The following HMCN1 variants were observed in gnomAD, a reference collection of about 807,000 sequenced individuals.
HMCN1 encodes hemicentin 1, also known as hemicentin-1.
Under a neutral mutation model 625.9 loss-of-function variants are expected in HMCN1, and 321 were observed. The observed-to-expected ratio is 0.51, with a 90% CI of 0.47 to 0.56. HMCN1 has a LOEUF of 0.56. HMCN1 is among the 20% of genes least tolerant of loss of function. The pLI, the probability that HMCN1 is intolerant of heterozygous loss-of-function variation, is 0.00. For synonymous variants in HMCN1, 2,425 were observed against 2,417.6 expected, an observed-to-expected ratio of 1.00 and a Z score of -0.09; for missense variants, 6,588 against 6,887.3, an observed-to-expected ratio of 0.96 and a Z score of 1.54.
intron 4 of HMCN1, among the ~76,000 whole-genome samples, chr1:185,884,231 C>A (rs999974685): frequency 3.3e-5 from 5 of 151,698 alleles, no homozygotes; most frequent in African/African-American, 1.2e-4. Flanking sequence ...CCTGTGTGAA[C>A]TCTAGGAATT....
intron 49 of HMCN1, among the ~76,000 whole-genome samples, chr1:186,067,041 G>A (rs372581055): frequency 6.6e-6 from 1 of 152,218 alleles, no homozygotes; most frequent in African/African-American, 2.4e-5. Flanking sequence ...TATTCAGAAT[G>A]GAACAAACTA....
chr1:186,122,046 TGAG>T (rs1661424494), intron 80 of HMCN1, among the ~76,000 whole-genome samples: 1 of 152,272 alleles, frequency 6.6e-6, no homozygotes, highest in African/African-American at 2.4e-5. Flanking sequence ...TTTTTAGATT[TGAG>T]GAGTTGTTTC....
At chr1:186,001,983 A>G (rs1247826613) in intron 28 of HMCN1, among the ~76,000 whole-genome samples, 1 of 152,114 alleles carries the variant, frequency 6.6e-6, no homozygotes, top group Non-Finnish European at 1.5e-5. Context: ...TCAAATACTC[A>G]AAAGTGGTAC....
At chr1:186,126,681 G>A (rs1211097877) in intron 82 of HMCN1, among the ~76,000 whole-genome samples, 2 of 152,132 alleles carry the variant, frequency 1.3e-5, no homozygotes, top group African/African-American at 4.8e-5. Context: ...CATGTCCAGT[G>A]TATTTGAAAA....
chr1:185,738,863 C>CT (rs370506671), intron 1 of HMCN1, among the ~76,000 whole-genome samples: 2 of 152,254 alleles, frequency 1.3e-5, no homozygotes, highest in African/African-American at 4.8e-5. Flanking sequence ...CATACAACTT[C>CT]TTTTTTTCCT....
At chr1:185,950,310 G>A (rs960540659) in intron 11 of HMCN1, among the ~76,000 whole-genome samples, 8 of 151,862 alleles carry the variant, frequency 5.3e-5, no homozygotes, top group Non-Finnish European at 1.2e-4. Flanking sequence ...TATGAGAACT[G>A]TAGAGAGTGA....
chr1:185,836,380 A>G (rs1042629242), intron 1 of HMCN1, among the ~76,000 whole-genome samples: 5 of 152,314 alleles, frequency 3.3e-5, no homozygotes, highest in South Asian at 2.1e-4. Flanking sequence ...GTCCTTATGC[A>G]CATGTGTCTT....
intron 93 of HMCN1, among the ~76,000 whole-genome samples, chr1:186,148,633 A>G (rs891250405): frequency 6.6e-6 from 1 of 152,010 alleles, no homozygotes; most frequent in Non-Finnish European, 1.5e-5. Context: ...CTCAGCCTCC[A>G]AGTGATTACA....
intron 1 of HMCN1, among the ~76,000 whole-genome samples, chr1:185,739,522 G>A (rs148826512): frequency 2.6e-5 from 4 of 152,262 alleles, no homozygotes; most frequent in Non-Finnish European, 5.9e-5. Context: ...GAGCAGGACA[G>A]TGTGTTTTAA....
chr1:185,806,546 CA>C (rs34411405), intron 1 of HMCN1, among the ~76,000 whole-genome samples: 77,512 of 103,292 alleles, frequency 0.75, 30,131 homozygotes, highest in East Asian at 0.94. Flanking sequence ...GACCCTGTCT[CA>C]AAAAAAAAAA....
intron 1 of HMCN1, 64 bp downstream of exon 1, chr1:185,735,111 G>A (rs1323507403): frequency 1.8e-5 from 27 of 1,520,046 alleles, no homozygotes; most frequent in Non-Finnish European, 2.5e-5. Context: ...CTCATGCTGT[G>A]AATGAAATTG....
chr1:185,825,664 G>T (rs1208455), intron 1 of HMCN1, among the ~76,000 whole-genome samples: 152,206 of 152,312 alleles, frequency 1, 76,050 homozygotes, highest in Middle Eastern at 1. Flanking sequence ...GTAGGGGGTA[G>T]ATCAACATTC....
rs777664586 is a variant in HMCN1 at position 186,041,123 on chromosome 1, C to T, written c.6291C>T (p.Asp2097=). 1.2e-6 allele frequency: 2 copies of T among 1,612,586 alleles called. No individual in the cohort carries two copies. Among genetic ancestry groups the T allele is most frequent in the East Asian group, 4.5e-5 (2 of 44,770 alleles). ...NAAGEKQRDI[D]LRVYVPPNIM... Reference sequence around the variant, plus strand: ...CTGGAGAAAAGCAAAGGGACATTGACCTCCGAGTATATGGTGAGACATTTT... The same window carrying T: ...CTGGAGAAAAGCAAAGGGACATTGATCTCCGAGTATATGGTGAGACATTTT... Residue 2097 remains aspartate, a synonymous_variant, in exon 40 of 107, where the codon GAC becomes GAT. Coordinates refer to ENST00000271588, the MANE Select transcript of HMCN1 (RefSeq NM_031935.3).
chr1:185,982,915 A>G (rs2102005402), intron 18 of HMCN1, among the ~76,000 whole-genome samples: 1 of 152,102 alleles, frequency 6.6e-6, no homozygotes, highest in East Asian at 1.9e-4. Context: ...TAGTGTTGTA[A>G]TTTTCATAAT....
At chr1:186,156,462 A>C (rs1418614189) in intron 97 of HMCN1, among the ~76,000 whole-genome samples, 1 of 152,200 alleles carries the variant, frequency 6.6e-6, no homozygotes, top group African/African-American at 2.4e-5. Flanking sequence ...GGAAATGCAA[A>C]TTAATGAGTT....
At chr1:186,126,528 T>C (rs1425595302) in intron 82 of HMCN1, among the ~76,000 whole-genome samples, 2 of 152,092 alleles carry the variant, frequency 1.3e-5, no homozygotes, top group African/African-American at 4.8e-5. Context: ...GTTACAGTTG[T>C]AAATAGGGTA....
intron 43 of HMCN1, among the ~76,000 whole-genome samples, chr1:186,053,507 A>G (rs1293085781): frequency 1.3e-5 from 2 of 152,050 alleles, no homozygotes; most frequent in Non-Finnish European, 2.9e-5. Context: ...ATATAAAATA[A>G]AAGTTGATAT....
chr1:185,990,009 A>C (rs1652312109), intron 21 of HMCN1, among the ~76,000 whole-genome samples: 1 of 152,108 alleles, frequency 6.6e-6, no homozygotes, highest in Admixed American at 6.5e-5. Flanking sequence ...TTGAGGGTTT[A>C]CTTTTACAGA....
At position 185,846,110 on chromosome 1, in the gene HMCN1, T is replaced by C; in HGVS notation, c.339+14T>C. 1 of 1,573,648 alleles carries C rather than the reference T, an allele frequency of 6.4e-7. No individual in the cohort carries two copies. The highest frequency in any genetic ancestry group is 8.7e-7 in the Non-Finnish European group (1 of 1,143,534). ...CTGTATGTTCAGGTGAGTGCTTGCT[T>C]TCAGTGTTCTCTTGGGGGAATGGAA... On this transcript the variant is annotated intron_variant, in intron 2 of 106. Coordinates refer to ENST00000271588, the MANE Select transcript of HMCN1 (RefSeq NM_031935.3).
Sources: gnomAD v4.1 joint callset for allele counts (sites outside exome capture counted in the v4.1 genomes callset) on GRCh38, gnomAD v4.1.1 for gene constraint, MANE v1.5 for transcripts, NCBI Gene and HGNC (gene_info 2026-07-23, HGNC 2026-07-21) for gene names.